The following SIPA1L2 variants were observed in gnomAD, a reference collection of about 807,000 sequenced individuals.
SIPA1L2 encodes signal induced proliferation associated 1 like 2.
A neutral mutation model predicts 163.9 loss-of-function variants in SIPA1L2; 56 were observed. The observed-to-expected ratio is 0.34, with a 90% CI of 0.28 to 0.43. The LOEUF (loss-of-function observed/expected upper bound fraction) is 0.43, where lower values mean the gene tolerates loss of function less well. Among genes scored for constraint, SIPA1L2 ranks in the 20% least tolerant of loss-of-function variants. The pLI is 1.00. For synonymous variants in SIPA1L2, 877 were observed against 865.7 expected (o/e 1.01, Z -0.23); for missense variants, 1,974 against 2,193.5 (o/e 0.90, Z 2.00).
At chr1:232,503,630 T>G (rs1027763616) in intron 3 of SIPA1L2, among the ~76,000 whole-genome samples, 2 of 152,240 alleles carry the variant, frequency 1.3e-5, no homozygotes, top group African/African-American at 4.8e-5. Flanking sequence ...TCCTTTACTT[T>G]GTTAATATGC....
chr1:232,558,328 G>C (rs2148325), intron 2 of SIPA1L2, among the ~76,000 whole-genome samples: 4 of 152,144 alleles, frequency 2.6e-5, no homozygotes, highest in Non-Finnish European at 5.9e-5. Context: ...TAGATGGGGA[G>C]TCCTCTCCTG....
At chr1:232,428,350 C>CTTTTT (rs34949132) in intron 17 of SIPA1L2, 61 bp downstream of exon 17, 20 of 838,076 alleles carry the variant, frequency 2.4e-5, no homozygotes, top group South Asian at 3.4e-5. Context: ...TTTCTTTAGA[C>CTTTTT]TTTTTTTTTT....
At chr1:232,586,993 G>C (rs2102818137) in intron 1 of SIPA1L2, among the ~76,000 whole-genome samples, 1 of 152,344 alleles carries the variant, frequency 6.6e-6, no homozygotes. Context: ...GACATACAAG[G>C]GTAGGGAGAC....
intron 19 of SIPA1L2, among the ~76,000 whole-genome samples, chr1:232,409,150 T>C (rs1384967315): frequency 6.6e-6 from 1 of 152,192 alleles, no homozygotes; most frequent in Non-Finnish European, 1.5e-5. Context: ...TTGAATATCA[T>C]TTACCTATTT....
rs139617928 is a variant in SIPA1L2, at chr1:232,621,498, C to T, written c.-319+8371G>A. Among the ~76,000 whole-genome samples the T allele has an allele frequency of 5.9e-5, 9 of 152,202 alleles. No homozygotes were observed. The East Asian group carries it at 1.7e-3, about 29-fold the overall frequency. ...GGAACCAAGAGAAATGGGTTTAAAA[C>T]ATAAGGACTCAGATTCAGAAAACCA... On this transcript the variant is annotated intron_variant, in intron 1 of 22. Transcript: ENST00000674635.
At chr1:232,549,046 G>A (rs1459487289) in intron 2 of SIPA1L2, among the ~76,000 whole-genome samples, 2 of 152,220 alleles carry the variant, frequency 1.3e-5, no homozygotes, top group Non-Finnish European at 1.5e-5. Flanking sequence ...GAAACAGAAG[G>A]AGGAGGAGCT....
At chr1:232,463,991 A>G (rs1664379208) in intron 9 of SIPA1L2, among the ~76,000 whole-genome samples, 1 of 152,156 alleles carries the variant, frequency 6.6e-6, no homozygotes, top group South Asian at 2.1e-4. Context: ...GGGGCAAGAA[A>G]TGGATATAAT....
Position 232,452,470 on chromosome 1 carries a change from A to G in SIPA1L2, c.3096-6684T>C, listed in dbSNP as rs181728261. Reference sequence around the variant, plus strand: ...AGTACTGTAGTGTATGCATTCCACAACTTCAGAGGCACCCAGGAAGGCCCC... The same window carrying G: ...AGTACTGTAGTGTATGCATTCCACAGCTTCAGAGGCACCCAGGAAGGCCCC... On this transcript the variant is annotated intron_variant, in intron 10 of 22. Coordinates refer to ENST00000674635, the MANE Select transcript of SIPA1L2 (RefSeq NM_020808.5). 2.1e-3 allele frequency among the ~76,000 whole-genome samples: 317 copies of G among 152,164 alleles called. 2 individuals are homozygous for G. The highest frequency in any genetic ancestry group is 7.3e-3 in the African/African-American group (304 of 41,490).
In SIPA1L2 at chr1:232,442,552, G is replaced by GA. The variant is rs59025710; in HGVS notation, c.3438-685dup. Among the ~76,000 whole-genome samples the GA allele has an allele frequency of 9.4e-3, 699 of 74,662 alleles. 6 individuals carry two copies. The highest frequency in any genetic ancestry group is 0.027 in the African/African-American group (558 of 20,528). The allele number at this position is 74,662 out of a possible 152,430, so 49.0% of individuals were successfully genotyped here. A position where few individuals can be genotyped will look rare whatever the true frequency, so the allele number is the denominator to read the frequency against. ...GACAGACCGAGACTCCATCTCAAAAGAAAAAAAAAAAAAAAGGAAAAAAAA... is the reference window on the plus strand; with the variant it reads ...GACAGACCGAGACTCCATCTCAAAAGAAAAAAAAAAAAAAAAGGAAAAAAAA... On this transcript the variant is annotated intron_variant, in intron 12 of 22. Transcript: ENST00000674635.
chr1:232,435,736 G>GA (rs901602339), intron 15 of SIPA1L2, among the ~76,000 whole-genome samples: 2 of 151,854 alleles, frequency 1.3e-5, no homozygotes, highest in Non-Finnish European at 2.9e-5. Context: ...CTCGAAGAAA[G>GA]AAAAAAAATG....
At chr1:232,468,927 G>A (rs561205489) in intron 8 of SIPA1L2, among the ~76,000 whole-genome samples, 3 of 152,210 alleles carry the variant, frequency 2.0e-5, no homozygotes, top group Non-Finnish European at 4.4e-5. Context: ...CTGAAAGTGA[G>A]ATGTTTCGTG....
intron 19 of SIPA1L2, among the ~76,000 whole-genome samples, chr1:232,407,719 G>A (rs1252463141): frequency 6.6e-6 from 1 of 152,184 alleles, no homozygotes; most frequent in South Asian, 2.1e-4. Context: ...ACAGGCCTTC[G>A]TGGGGCAGCA....
At chr1:232,408,720 G>A (rs1252479112) in intron 19 of SIPA1L2, among the ~76,000 whole-genome samples, 1 of 151,966 alleles carries the variant, frequency 6.6e-6, no homozygotes, top group African/African-American at 2.4e-5. Flanking sequence ...CTGTGGGTTT[G>A]GTGTTTTTTT....
chr1:232,602,745 G>A (rs1443158872), intron 1 of SIPA1L2, among the ~76,000 whole-genome samples: 2 of 152,236 alleles, frequency 1.3e-5, no homozygotes, highest in Non-Finnish European at 2.9e-5. Flanking sequence ...TGGAGACGGA[G>A]AGATGAGCTA....
intron 2 of SIPA1L2, among the ~76,000 whole-genome samples, chr1:232,569,583 C>A (rs539381537): frequency 6.6e-6 from 1 of 152,196 alleles, no homozygotes; most frequent in African/African-American, 2.4e-5. Context: ...GAGGCTGAGG[C>A]AGGCGAATCA....
intron 1 of SIPA1L2, among the ~76,000 whole-genome samples, chr1:232,603,747 C>T (rs1171112104): frequency 2.6e-5 from 4 of 152,038 alleles, no homozygotes; most frequent in Admixed American, 6.6e-5. Flanking sequence ...TCCACTGATG[C>T]AGGTGACCAT....
chr1:232,518,362 C>A (rs751272494), intron 2 of SIPA1L2, among the ~76,000 whole-genome samples: 1 of 152,136 alleles, frequency 6.6e-6, no homozygotes, highest in African/African-American at 2.4e-5. Context: ...ACACCTAACA[C>A]GTGGCCAGTT....
intron 1 of SIPA1L2, among the ~76,000 whole-genome samples, chr1:232,578,455 A>C (rs1315486440): frequency 6.6e-6 from 1 of 152,200 alleles, no homozygotes; most frequent in Non-Finnish European, 1.5e-5. Flanking sequence ...CAATTTAAAA[A>C]ACCTCAAAGC....
intron 10 of SIPA1L2, among the ~76,000 whole-genome samples, chr1:232,451,669 T>C (rs1250899478): frequency 6.6e-6 from 1 of 152,136 alleles, no homozygotes; most frequent in East Asian, 1.9e-4. Context: ...ATCAAGTCAA[T>C]GGATGGAAAC....
Sources: gnomAD v4.1 joint callset for allele counts (sites outside exome capture counted in the v4.1 genomes callset) on GRCh38, gnomAD v4.1.1 for gene constraint, MANE v1.5 for transcripts, NCBI Gene and HGNC (gene_info 2026-07-23, HGNC 2026-07-21) for gene names.